The following GRIN2A variants were observed in gnomAD, a reference collection of about 807,000 sequenced individuals.
GRIN2A encodes the protein glutamate receptor ionotropic, NMDA 2A.
GRIN2A carries 22 observed loss-of-function variants against 113.4 expected under a neutral mutation model. The ratio of observed to expected loss-of-function variants is 0.19; its 90% CI spans 0.14 to 0.28. The LOEUF (loss-of-function observed/expected upper bound fraction) is 0.28. GRIN2A is among the 10% of genes least tolerant of loss of function. The pLI is 1.00. For missense variants in GRIN2A, 1,502 were observed against 1,887.0 expected, an observed-to-expected ratio of 0.80 and a Z score of 3.78; for synonymous variants, 827 against 738.4, an observed-to-expected ratio of 1.12 and a Z score of -1.94.
Position 9,761,608 on chromosome 16 carries a change from GAA to G in GRIN2A, c.*1539_*1540del, listed in dbSNP as rs1389278959. On this transcript the variant is annotated 3_prime_UTR_variant, in exon 13 of 13. Coordinates refer to ENST00000330684, the MANE Select transcript of GRIN2A (RefSeq NM_001134407.3). ...TTTAAACTAGAAAATCCTGATCTGA[GAA>G]AGTGTCATAACATAGCAACTATCTT... The G allele has an allele frequency of 4.4e-6, 1 of 229,748 alleles. No homozygotes were observed. The highest frequency in any genetic ancestry group is 8.6e-6 in the Non-Finnish European group (1 of 116,014). The allele number at this position is 229,748 out of a possible 1,614,324, so 14.2% of individuals were successfully genotyped here.
At chr16:9,873,694 A>G (rs1020977543) in intron 4 of GRIN2A, among the ~76,000 whole-genome samples, 5 of 152,228 alleles carry the variant, frequency 3.3e-5, no homozygotes, top group African/African-American at 1.2e-4. Context: ...TCTAAATCTT[A>G]GTCTCTTCAC....
At chr16:10,064,957 T>C (rs566174437) in intron 2 of GRIN2A, among the ~76,000 whole-genome samples, 2 of 152,304 alleles carry the variant, frequency 1.3e-5, no homozygotes, top group East Asian at 3.9e-4. Flanking sequence ...CAATGTCACC[T>C]ACCTAAGAAA....
Position 9,764,153 on chromosome 16 carries a change from C to A in GRIN2A, c.3391G>T (p.Asp1131Tyr), listed in dbSNP as rs1243412120. The A allele has an allele frequency of 6.2e-7, 1 of 1,613,460 alleles. No individual in the cohort carries two copies. Among genetic ancestry groups the A allele is most frequent in the African/African-American group, 1.3e-5 (1 of 74,932 alleles). ...DGEKEPGFHL[D>Y]PPQFVENVTL... ...ACATTTTCAACAAACTGGGGTGGAT[C>A]TAAGTGGAAACCAGGCTCCTTCTCA... is the stretch of plus-strand genomic sequence containing the variant. Residue 1131 changes from aspartate (D) to tyrosine (Y), a missense_variant, in exon 13 of 13, where the codon GAT (aspartate) becomes TAT (tyrosine). Asp to Tyr is a radical substitution (Grantham distance 160, BLOSUM62 -3). Around this residue, in one of 7 missense-constraint regions of GRIN2A, gnomAD observed 832 missense variants for 789.7 expected, o/e 1.05. Transcript: ENST00000330684.
At chr16:9,841,140 C>T (rs1440646491) in intron 5 of GRIN2A, 36 bp from the exon 6 acceptor site, 5 of 1,546,814 alleles carry the variant, frequency 3.2e-6, no homozygotes. Flanking sequence ...AGAATGTTAG[C>T]ACTGGAAGGT....
At chr16:9,878,076 T>C (rs911345191) in intron 4 of GRIN2A, among the ~76,000 whole-genome samples, 4 of 152,148 alleles carry the variant, frequency 2.6e-5, no homozygotes, top group African/African-American at 9.7e-5. Context: ...CTCATTTTCA[T>C]AATTGATGGC....
intron 2 of GRIN2A, among the ~76,000 whole-genome samples, chr16:10,094,696 C>T (rs112037431): frequency 0.024 from 3,591 of 152,024 alleles, 143 homozygotes; most frequent in African/African-American, 0.083. Flanking sequence ...GTGATCTGCC[C>T]GCCTCAACCT....
At chr16:10,139,726 A>G (rs1567327463) in intron 2 of GRIN2A, among the ~76,000 whole-genome samples, 1 of 152,216 alleles carries the variant, frequency 6.6e-6, no homozygotes, top group Non-Finnish European at 1.5e-5. Flanking sequence ...AAGTTTAAAG[A>G]GCTCACAGGT....
intron 2 of GRIN2A, chr16:10,037,082 T>C (rs1034746474): frequency 6.6e-6 from 1 of 152,158 alleles, no homozygotes; most frequent in Non-Finnish European, 1.5e-5. Flanking sequence ...TGTCATCTCA[T>C]AGACACCTCC....
chr16:9,978,837 G>T (rs2045827685), intron 2 of GRIN2A, among the ~76,000 whole-genome samples: 1 of 152,134 alleles, frequency 6.6e-6, no homozygotes, highest in African/African-American at 2.4e-5. Context: ...AACGTGGCAC[G>T]GGCTTCTCGT....
At chr16:10,149,115 G>A (rs1169973114) in intron 2 of GRIN2A, among the ~76,000 whole-genome samples, 1 of 152,140 alleles carries the variant, frequency 6.6e-6, no homozygotes, top group African/African-American at 2.4e-5. Context: ...GATGGTTAAT[G>A]GGTTCAAAAA....
intron 2 of GRIN2A, among the ~76,000 whole-genome samples, chr16:9,997,864 CT>C: frequency 6.6e-6 from 1 of 152,204 alleles, no homozygotes; most frequent in Non-Finnish European, 1.5e-5. Flanking sequence ...TAAGACATGC[CT>C]TTGTTCCTGC....
At chr16:10,067,693 T>A (rs73510611) in intron 2 of GRIN2A, among the ~76,000 whole-genome samples, 6,611 of 152,148 alleles carry the variant, frequency 0.043, 547 homozygotes, top group African/African-American at 0.15. Context: ...AGGCTGAGAT[T>A]ACCCACAGGC....
intron 2 of GRIN2A, among the ~76,000 whole-genome samples, chr16:10,056,198 A>T (rs372555869): frequency 3.2e-4 from 48 of 152,338 alleles, no homozygotes; most frequent in African/African-American, 1.1e-3. Flanking sequence ...TTCTACTCTG[A>T]AGAAATTAAT....
intron 10 of GRIN2A, among the ~76,000 whole-genome samples, chr16:9,804,660 G>A (rs745960474): frequency 6.6e-6 from 1 of 151,944 alleles, no homozygotes; most frequent in Non-Finnish European, 1.5e-5. Flanking sequence ...GGAGAGGAGC[G>A]ATCCCTCTTC....
chr16:10,005,881 CAT>C (rs2046396711), intron 2 of GRIN2A, among the ~76,000 whole-genome samples: 1 of 152,224 alleles, frequency 6.6e-6, no homozygotes, highest in Non-Finnish European at 1.5e-5. Flanking sequence ...AATGCAACCA[CAT>C]ATACACAGTG....
intron 2 of GRIN2A, 99 bp from the exon 3 acceptor site, chr16:9,938,650 C>T (rs1213308957): frequency 2.9e-5 from 23 of 800,324 alleles, no homozygotes; most frequent in Non-Finnish European, 4.5e-5. Flanking sequence ...AATCACACAT[C>T]AATCATTTGC....
chr16:9,903,636 G>A (rs556676600), intron 3 of GRIN2A, among the ~76,000 whole-genome samples: 2 of 152,126 alleles, frequency 1.3e-5, no homozygotes, highest in African/African-American at 4.8e-5. Flanking sequence ...CACCCCTCAT[G>A]ATCATCTCAA....
chr16:9,936,269 T>C (rs894927730), intron 3 of GRIN2A, among the ~76,000 whole-genome samples: 3 of 152,192 alleles, frequency 2.0e-5, no homozygotes, highest in Admixed American at 2.0e-4. Flanking sequence ...GCCCAGTAAT[T>C]TGTGTCTTAA....
chr16:10,111,299 C>G, intron 2 of GRIN2A: 1 of 368,238 alleles, frequency 2.7e-6, no homozygotes, highest in South Asian at 2.3e-5. Flanking sequence ...CTTACAGTTC[C>G]CAGGCCCACA....
Sources: allele counts gnomAD v4.1 joint callset (sites outside exome capture counted in the v4.1 genomes callset), GRCh38; gene constraint gnomAD v4.1.1; regional missense constraint gnomAD v4.1.1; transcripts MANE v1.5; gene names NCBI Gene and HGNC (gene_info 2026-07-23, HGNC 2026-07-21).